Variants in CADPS observed in about 807,000 individuals in gnomAD.
CADPS encodes calcium dependent secretion activator.
A neutral mutation model predicts 167.3 loss-of-function variants in CADPS; 57 were observed. That is an observed-to-expected ratio of 0.34 (90% CI 0.28 to 0.42). CADPS has a LOEUF of 0.42. Among genes scored for constraint, CADPS ranks in the 20% least tolerant of loss-of-function variants. The pLI, the probability that CADPS is intolerant of heterozygous loss-of-function variation, is 1.00. For synonymous variants in CADPS, 676 were observed against 635.3 expected (o/e 1.06, Z -0.96); for missense variants, 1,414 against 1,738.1 (o/e 0.81, Z 3.32).
At chr3:62,498,189 G>T (rs1262277673) in intron 18 of CADPS, 1 of 456,472 alleles carries the variant, frequency 2.2e-6, no homozygotes, top group South Asian at 1.5e-5. Context: ...TAAAATAGTA[G>T]AAAAACAGGG....
chr3:62,542,761 A>C (rs973638446), intron 11 of CADPS, among the ~76,000 whole-genome samples: 8 of 152,124 alleles, frequency 5.3e-5, no homozygotes, highest in African/African-American at 1.9e-4. Flanking sequence ...CCAAAAGGAT[A>C]AGTGTGTGAT....
At chr3:62,641,613 A>G (rs1234605886) in intron 6 of CADPS, among the ~76,000 whole-genome samples, 1 of 152,196 alleles carries the variant, frequency 6.6e-6, no homozygotes, top group Non-Finnish European at 1.5e-5. Context: ...AAGTATCCCC[A>G]TTGGTTTCCC....
In CADPS at chr3:62,645,773, A is replaced by G; in HGVS notation, c.1274T>C (p.Val425Ala). 6.2e-7 allele frequency: 1 copy of G among 1,613,792 alleles called. No individual in the cohort carries two copies. ...PNRIVYCTME[V>A]EGGEKLQTDQ... ...AGTCTGTAGTTTCTCTCCTCCTTCC[A>G]CCTCCATTGTGCAATATACGATGCG... The change falls in exon 6 of 30, where the codon GTG becomes GCG. Residue 425 changes from valine (V) to alanine (A), a missense_variant. Coordinates refer to ENST00000383710, the MANE Select transcript of CADPS (RefSeq NM_003716.4).
rs115098100 is a variant in CADPS at position 62,706,867 on chromosome 3, G to A, written c.889-44473C>T. On this transcript the variant is annotated intron_variant, in intron 3 of 29. Coordinates refer to ENST00000383710, the MANE Select transcript of CADPS (RefSeq NM_003716.4). Reference sequence around the variant, plus strand: ...ACTCAGAAGGGTGGAAGCGGGGTGAGGGATGAGAAACTACTTAATGGGTAC... The same window carrying A: ...ACTCAGAAGGGTGGAAGCGGGGTGAAGGATGAGAAACTACTTAATGGGTAC... 7.8e-3 allele frequency among the ~76,000 whole-genome samples: 1,188 copies of A among 152,164 alleles called. 18 individuals are homozygous for A. The highest frequency in any genetic ancestry group is 0.025 in the African/African-American group (1,051 of 41,466).
intron 6 of CADPS, among the ~76,000 whole-genome samples, chr3:62,609,105 G>T (rs2061126272): frequency 6.6e-6 from 1 of 152,158 alleles, no homozygotes; most frequent in Non-Finnish European, 1.5e-5. Flanking sequence ...CAATGCATTT[G>T]ACAATAACAA....
chr3:62,725,499 C>T (rs983900019), intron 3 of CADPS, among the ~76,000 whole-genome samples: 2 of 152,250 alleles, frequency 1.3e-5, no homozygotes, highest in African/African-American at 4.8e-5. Flanking sequence ...GGCTCTTGCA[C>T]GAATTAGCTC....
chr3:62,637,087 A>C (rs1017148835), intron 6 of CADPS, among the ~76,000 whole-genome samples: 1 of 152,230 alleles, frequency 6.6e-6, no homozygotes, highest in African/African-American at 2.4e-5. Context: ...TTAGGCTATT[A>C]ATACTATTTC....
intron 6 of CADPS, among the ~76,000 whole-genome samples, chr3:62,636,572 G>T (rs9841989): frequency 0.84 from 128,275 of 151,986 alleles, 54,146 homozygotes; most frequent in East Asian, 0.9. Flanking sequence ...CCTCCCCGAG[G>T]GCTCACATCC....
At chr3:62,460,354 A>T (rs2059187767) in intron 26 of CADPS, among the ~76,000 whole-genome samples, 1 of 152,208 alleles carries the variant, frequency 6.6e-6, no homozygotes, top group South Asian at 2.1e-4. Context: ...TAAAAATTAC[A>T]TGTATTTGGC....
chr3:62,844,533 C>A (rs1259573610), intron 1 of CADPS, among the ~76,000 whole-genome samples: 1 of 152,164 alleles, frequency 6.6e-6, no homozygotes, highest in African/African-American at 2.4e-5. Flanking sequence ...CTCATGAATG[C>A]CTGTGAAAGC....
chr3:62,444,743 T>C (rs2056931835), intron 27 of CADPS, among the ~76,000 whole-genome samples: 1 of 152,218 alleles, frequency 6.6e-6, no homozygotes, highest in South Asian at 2.1e-4. Flanking sequence ...TGTCTTCCTT[T>C]GAGAAATAAG....
rs566229094 is a variant in CADPS, at chr3:62,660,701, C to A, written c.969+1613G>T. 2.2e-4 allele frequency among the ~76,000 whole-genome samples: 34 copies of A among 152,308 alleles called. 1 individual carries two copies. The South Asian group carries it at 4.4e-3, about 20-fold the overall frequency. Reference sequence around the variant, plus strand: ...CCCTGCTGTTTCTAATAACCCCCACCCTCATATGCCCACAGGGCCTGTGAA... The same window carrying A: ...CCCTGCTGTTTCTAATAACCCCCACACTCATATGCCCACAGGGCCTGTGAA... On this transcript the variant is annotated intron_variant, in intron 4 of 29. Transcript: ENST00000383710.
chr3:62,442,195 G>A (rs1488970836), intron 27 of CADPS, among the ~76,000 whole-genome samples: 1 of 149,500 alleles, frequency 6.7e-6, no homozygotes, highest in Non-Finnish European at 1.5e-5. Context: ...AATAGTTAGT[G>A]GTATGCTGGT....
At chr3:62,868,027 C>T (rs1439171372) in intron 1 of CADPS, among the ~76,000 whole-genome samples, 3 of 152,056 alleles carry the variant, frequency 2.0e-5, no homozygotes, top group Non-Finnish European at 2.9e-5. Context: ...ATATCAATAG[C>T]AAGGGCTAGA....
chr3:62,820,565 C>A (rs1221986940), intron 1 of CADPS, among the ~76,000 whole-genome samples: 2 of 152,168 alleles, frequency 1.3e-5, no homozygotes, highest in East Asian at 3.9e-4. Context: ...TCGGTAAGGA[C>A]AAGGAAGAAG....
intron 6 of CADPS, among the ~76,000 whole-genome samples, chr3:62,628,456 G>A (rs1563083078): frequency 6.6e-6 from 1 of 152,036 alleles, no homozygotes. Context: ...GCTTTGTACT[G>A]ATAGTGACTT....
intron 6 of CADPS, among the ~76,000 whole-genome samples, chr3:62,629,739 C>T (rs1186787155): frequency 1.3e-5 from 2 of 151,582 alleles, no homozygotes; most frequent in South Asian, 4.2e-4. Context: ...TTACCTCTTG[C>T]TCACAGACTC....
intron 8 of CADPS, among the ~76,000 whole-genome samples, chr3:62,578,922 AG>A (rs1377767170): frequency 6.6e-6 from 1 of 152,192 alleles, no homozygotes; most frequent in African/African-American, 2.4e-5. Flanking sequence ...TGTACCAAAA[AG>A]CATGGTGTCT....
At chr3:62,626,634 G>C (rs2367312) in intron 6 of CADPS, 664,148 of 697,312 alleles carry the variant, frequency 0.95, 317,156 homozygotes, top group East Asian at 1. Flanking sequence ...CTTTTTTGTT[G>C]TACAAAGAAG....
Sources: gnomAD v4.1 joint callset for allele counts (sites outside exome capture counted in the v4.1 genomes callset) on GRCh38, gnomAD v4.1.1 for gene constraint, MANE v1.5 for transcripts, NCBI Gene and HGNC (gene_info 2026-07-23, HGNC 2026-07-21) for gene names.